The following DNAH11 variants were observed in gnomAD, a reference collection of about 807,000 sequenced individuals.
The protein encoded by DNAH11 is axonemal beta dynein heavy chain 11.
A neutral mutation model predicts 526.0 loss-of-function variants in DNAH11; 442 were observed. The observed-to-expected ratio is 0.84, with a 90% confidence interval of 0.78 to 0.91. DNAH11 has a LOEUF of 0.91. Ranked by LOEUF, DNAH11 falls within the 40% of genes least tolerant of loss-of-function variation. The pLI is 0.00. For synonymous variants in DNAH11, 2,461 were observed against 1,935.9 expected, an observed-to-expected ratio of 1.27 and a Z score of -7.12; for missense variants, 6,989 against 5,448.7, an observed-to-expected ratio of 1.28 and a Z score of -8.90.
chr7:21,759,048 T>C (rs1786769497), intron 54 of DNAH11, among the ~76,000 whole-genome samples: 1 of 152,070 alleles, frequency 6.6e-6, no homozygotes, highest in African/African-American at 2.4e-5. Flanking sequence ...AACTTATACG[T>C]TGTTATGGGG....
At position 21,571,806 on chromosome 7, in the gene DNAH11, G is replaced by A; in HGVS notation, c.1426G>A (p.Asp476Asn). Residue 476 changes from aspartate to asparagine, a missense_variant and splice_region_variant, in exon 8 of 82, where the codon GAT (aspartate) becomes AAT (asparagine). Physicochemically the swap from Asp to Asn is conservative, Grantham distance 23. Coordinates refer to ENST00000409508, the MANE Select transcript of DNAH11 (RefSeq NM_001277115.2). ...KFLDRLIKIE[D>N]IFATTLEFEK... is the part of the protein sequence containing the mutation. ...GGTCTTTACTGTGTTTTTTACAAAG[G>A]ATATATTTGCCACCACTTTGGAATT... 2 of 1,609,738 alleles carry A rather than the reference G, an allele frequency of 1.2e-6. No individual in the cohort carries two copies. Among genetic ancestry groups the A allele is most frequent in the Non-Finnish European group, 1.7e-6 (2 of 1,178,468 alleles).
chr7:21,790,215 G>C (rs1413634515), intron 61 of DNAH11, among the ~76,000 whole-genome samples: 1 of 152,124 alleles, frequency 6.6e-6, no homozygotes, highest in African/African-American at 2.4e-5. Flanking sequence ...GGGAGGCCAA[G>C]GCGGGCAGAT....
chr7:21,576,553 T>G (rs1393856925), intron 8 of DNAH11, among the ~76,000 whole-genome samples: 1 of 152,178 alleles, frequency 6.6e-6, no homozygotes, highest in African/African-American at 2.4e-5. Flanking sequence ...AGCAAGTAAG[T>G]GGGAGATTGT....
At position 21,691,009 on chromosome 7, in the gene DNAH11, C is replaced by A. The variant is rs1250916516; in HGVS notation, c.6041+128C>A. 1.0e-5 allele frequency: 7 copies of A among 675,008 alleles called. No individual in the cohort carries two copies. The Admixed American group carries it at 1.9e-4, about 19-fold the overall frequency. 41.8% of individuals were successfully genotyped at this position (675,008 alleles called of 1,614,324 possible). ...GAAAATCCTATATGATTTCCTTGGG[C>A]TCCTTTTATAGACAGAACTTTCACC... On this transcript the variant is annotated intron_variant, in intron 35 of 81. Transcript: ENST00000409508.
At chr7:21,657,282 G>A (rs2128465447) in intron 29 of DNAH11, among the ~76,000 whole-genome samples, 1 of 152,262 alleles carries the variant, frequency 6.6e-6, no homozygotes, top group African/African-American at 2.4e-5. Flanking sequence ...GCTAGGTCAG[G>A]CTTTGGGGAG....
chr7:21,644,184 G>A (rs1282816725), intron 28 of DNAH11, among the ~76,000 whole-genome samples: 1 of 152,196 alleles, frequency 6.6e-6, no homozygotes, highest in East Asian at 1.9e-4. Context: ...GTGCTTGTGA[G>A]AAATGAGCTT....
chr7:21,870,401 T>C (rs1431851579), intron 73 of DNAH11, among the ~76,000 whole-genome samples: 1 of 152,172 alleles, frequency 6.6e-6, no homozygotes, highest in African/African-American at 2.4e-5. Context: ...TACCCACTGC[T>C]TAGATGAGGC....
Position 21,741,934 on chromosome 7 carries a change from T to G in DNAH11, c.7922T>G (p.Phe2641Cys). 6.2e-7 allele frequency: 1 copy of G among 1,613,752 alleles called. No individual in the cohort carries two copies. Among genetic ancestry groups the G allele is most frequent in the Non-Finnish European group, 8.5e-7 (1 of 1,179,796 alleles). ...ATTTGCTTTTCTTTTCAGAGACATT[T>G]CACAGTGTTTGCATTCAATTTTCCA... ...FTINPRLQRH[F>C]TVFAFNFPSL... Residue 2641 changes from phenylalanine (F) to cysteine (C), a missense_variant, in exon 49 of 82, where the codon TTC becomes TGC. By Grantham distance (205) the Phe-to-Cys change is radical. Transcript: ENST00000409508.
intron 20 of DNAH11, among the ~76,000 whole-genome samples, chr7:21,607,980 T>C (rs1443966668): frequency 6.8e-6 from 1 of 146,894 alleles, no homozygotes; most frequent in African/African-American, 2.5e-5. Flanking sequence ...AATTAAGTAA[T>C]TCCTTGCAGA....
intron 2 of DNAH11, among the ~76,000 whole-genome samples, chr7:21,552,338 C>T (rs964695916): frequency 1.3e-5 from 2 of 152,174 alleles, no homozygotes; most frequent in Admixed American, 1.3e-4. Context: ...TTATTACATA[C>T]AGTAGCCAGT....
intron 57 of DNAH11, among the ~76,000 whole-genome samples, chr7:21,782,885 G>C (rs768119738): frequency 6.0e-5 from 9 of 149,786 alleles, no homozygotes; most frequent in Non-Finnish European, 1.3e-4. Flanking sequence ...ACTCCAGCCT[G>C]GGTGACAGAA....
At chr7:21,668,867 G>A (rs1354889068) in intron 30 of DNAH11, among the ~76,000 whole-genome samples, 3 of 152,030 alleles carry the variant, frequency 2.0e-5, no homozygotes, top group African/African-American at 7.2e-5. Context: ...GAAATTGCTG[G>A]ATCACAGAGA....
chr7:21,634,181 A>G (rs888861364), intron 25 of DNAH11, among the ~76,000 whole-genome samples: 1 of 152,240 alleles, frequency 6.6e-6, no homozygotes, highest in African/African-American at 2.4e-5. Context: ...TGTGAAGGAC[A>G]TTTATGCAAA....
At chr7:21,847,532 G>A (rs1451288661) in intron 66 of DNAH11, among the ~76,000 whole-genome samples, 3 of 152,076 alleles carry the variant, frequency 2.0e-5, no homozygotes, top group Non-Finnish European at 2.9e-5. Context: ...ATTTTGTTGT[G>A]GTCTGGAACA....
chr7:21,635,001 T>C (rs1786789363), intron 25 of DNAH11, among the ~76,000 whole-genome samples: 1 of 152,130 alleles, frequency 6.6e-6, no homozygotes, highest in South Asian at 2.1e-4. Flanking sequence ...TATAGCATTC[T>C]TTTCAAAATA....
At chr7:21,753,032 T>C (rs1245739781) in intron 54 of DNAH11, among the ~76,000 whole-genome samples, 1 of 152,164 alleles carries the variant, frequency 6.6e-6, no homozygotes, top group Non-Finnish European at 1.5e-5. Context: ...GGAACTCAAA[T>C]TGAGCTACAG....
Position 21,773,752 on chromosome 7 carries a change from G to C in DNAH11, c.9103-14G>C. The C allele has an allele frequency of 6.8e-7, 1 of 1,476,250 alleles. No homozygotes were observed. The highest frequency in any genetic ancestry group is 9.1e-7 in the Non-Finnish European group (1 of 1,100,930). 91.4% of individuals were successfully genotyped at this position (1,476,250 alleles called of 1,614,324 possible). On this transcript the variant is annotated splice_polypyrimidine_tract_variant and intron_variant, in intron 55 of 81. Coordinates refer to ENST00000409508, the MANE Select transcript of DNAH11 (RefSeq NM_001277115.2). ...GAGAGGATTTCACATGAACTGTAATGTTTGTGTTTTCAGCCAGTGCACAAA... is the reference window on the plus strand; with the variant it reads ...GAGAGGATTTCACATGAACTGTAATCTTTGTGTTTTCAGCCAGTGCACAAA...
intron 63 of DNAH11, among the ~76,000 whole-genome samples, chr7:21,815,881 A>C (rs1368859497): frequency 6.6e-6 from 1 of 151,858 alleles, no homozygotes; most frequent in Admixed American, 6.6e-5. Context: ...CCCCTCCCCA[A>C]CCCCTTACTT....
intron 32 of DNAH11, among the ~76,000 whole-genome samples, 156 bp downstream of exon 32, chr7:21,684,100 A>G (rs547836176): frequency 6.6e-6 from 1 of 152,360 alleles, no homozygotes; most frequent in Admixed American, 6.5e-5. Flanking sequence ...TACAGAAGCT[A>G]TACAATGCAC....
Sources: allele counts gnomAD v4.1 joint callset (sites outside exome capture counted in the v4.1 genomes callset), GRCh38; gene constraint gnomAD v4.1.1; transcripts MANE v1.5; gene names NCBI Gene and HGNC (gene_info 2026-07-23, HGNC 2026-07-21).